The following MACROD2 variants were observed in gnomAD, a reference collection of about 807,000 sequenced individuals.
The protein encoded by MACROD2 is ADP-ribose glycohydrolase MACROD2.
In MACROD2, 36 loss-of-function variants were observed where a neutral mutation model predicts 70.4. The ratio of observed to expected loss-of-function variants is 0.51; its 90% CI spans 0.39 to 0.68. MACROD2 has a LOEUF of 0.68. Among genes scored for constraint, MACROD2 ranks in the 30% least tolerant of loss-of-function variants. MACROD2 has a pLI of 0.00. For synonymous variants in MACROD2, 172 were observed against 178.8 expected, an observed-to-expected ratio of 0.96 and a Z score of 0.30; for missense variants, 496 against 538.4, an observed-to-expected ratio of 0.92 and a Z score of 0.78.
chr20:15,149,817 G>A (rs538284298), intron 5 of MACROD2, among the ~76,000 whole-genome samples: 4 of 151,976 alleles, frequency 2.6e-5, no homozygotes, highest in African/African-American at 4.8e-5. Context: ...CCTGCACTTC[G>A]GCTGTGTGTA....
At chr20:15,172,405 T>A (rs1455355958) in intron 5 of MACROD2, among the ~76,000 whole-genome samples, 1 of 152,196 alleles carries the variant, frequency 6.6e-6, no homozygotes, top group Admixed American at 6.5e-5. Flanking sequence ...TTTCCTTCTC[T>A]TTCCTTTTTT....
At chr20:16,015,919 T>C (rs896375464) in intron 15 of MACROD2, among the ~76,000 whole-genome samples, 18 of 152,172 alleles carry the variant, frequency 1.2e-4, no homozygotes, top group African/African-American at 3.9e-4. Context: ...AGAGTATTTT[T>C]AAATATATTA....
At chr20:16,044,738 AC>A in intron 17 of MACROD2, 99 bp downstream of exon 17, 1 of 1,058,084 alleles carries the variant, frequency 9.5e-7, no homozygotes, top group Non-Finnish European at 1.5e-6. Flanking sequence ...CCAAGTCCCC[AC>A]AGCATGGCTT....
chr20:14,557,879 T>G (rs575341878), intron 4 of MACROD2, among the ~76,000 whole-genome samples: 1 of 151,950 alleles, frequency 6.6e-6, no homozygotes, highest in South Asian at 2.1e-4. Context: ...CATAGGTATA[T>G]ACCCAAGAGA....
intron 8 of MACROD2, among the ~76,000 whole-genome samples, chr20:15,631,650 G>A (rs951823423): frequency 6.6e-6 from 1 of 152,144 alleles, no homozygotes; most frequent in Non-Finnish European, 1.5e-5. Flanking sequence ...GACAGGGCTT[G>A]GGCAGGGGAA....
chr20:14,898,486 T>C (rs532858585), intron 5 of MACROD2, among the ~76,000 whole-genome samples: 2 of 152,126 alleles, frequency 1.3e-5, no homozygotes, highest in African/African-American at 2.4e-5. Flanking sequence ...CCCAGCACTT[T>C]GGGAGGCCGA....
In MACROD2 at chr20:15,698,387, G is replaced by C. The variant is rs182133887; in HGVS notation, c.646-164358G>C. On this transcript the variant is annotated intron_variant, in intron 8 of 17. Coordinates refer to ENST00000684519, the MANE Select transcript of MACROD2 (RefSeq NM_001351661.2). ...GACTGATAATTGTTTTGTTTAAAGA[G>C]GCTGAAGATATGGCCCCAATCCCTT... 1.3e-3 allele frequency among the ~76,000 whole-genome samples: 204 copies of C among 152,248 alleles called. 1 individual carries two copies. The highest frequency in any genetic ancestry group is 7.9e-4 in the Non-Finnish European group (54 of 68,022).
At chr20:14,755,689 G>T (rs1001163176) in intron 5 of MACROD2, among the ~76,000 whole-genome samples, 3 of 151,990 alleles carry the variant, frequency 2.0e-5, no homozygotes, top group Admixed American at 2.0e-4. Flanking sequence ...TGTTGATGGT[G>T]AGAACTGAAG....
chr20:15,469,762 G>A (rs1247304622), intron 7 of MACROD2, among the ~76,000 whole-genome samples: 2 of 152,148 alleles, frequency 1.3e-5, no homozygotes, highest in African/African-American at 4.8e-5. Context: ...TTATGCAAAT[G>A]GCCCCAGACA....
intron 5 of MACROD2, among the ~76,000 whole-genome samples, chr20:15,124,868 G>A (rs2076055628): frequency 6.6e-6 from 1 of 151,824 alleles, no homozygotes; most frequent in Non-Finnish European, 1.5e-5. Context: ...GTGGAGAAAT[G>A]AGTGACTGTT....
chr20:15,391,114 A>G (rs1470731115), intron 6 of MACROD2, among the ~76,000 whole-genome samples: 2 of 152,198 alleles, frequency 1.3e-5, no homozygotes, highest in Non-Finnish European at 2.9e-5. Context: ...GGTAAACGCT[A>G]TGATAACAAG....
At chr20:14,765,367 A>G (rs2072072925) in intron 5 of MACROD2, among the ~76,000 whole-genome samples, 1 of 109,192 alleles carries the variant, frequency 9.2e-6, no homozygotes, top group Non-Finnish European at 1.9e-5. Flanking sequence ...CTCTTCTGCC[A>G]TATTCCTGCC....
At chr20:15,527,682 A>G (rs2047739819) in intron 8 of MACROD2, among the ~76,000 whole-genome samples, 1 of 152,140 alleles carries the variant, frequency 6.6e-6, no homozygotes, top group Non-Finnish European at 1.5e-5. Context: ...TGGCCTCTGC[A>G]TTTCTTCCTT....
chr20:15,549,892 TAA>T (rs1254094172), intron 8 of MACROD2, among the ~76,000 whole-genome samples: 1 of 152,116 alleles, frequency 6.6e-6, no homozygotes, highest in Non-Finnish European at 1.5e-5. Flanking sequence ...CATTAAGCAT[TAA>T]GTTTGCGACA....
At chr20:14,005,645 C>T (rs962847492) in intron 2 of MACROD2, among the ~76,000 whole-genome samples, 42 of 151,900 alleles carry the variant, frequency 2.8e-4, no homozygotes, top group African/African-American at 8.2e-4. Context: ...CTTTGTGCCC[C>T]GGGCTGGAGT....
chr20:16,044,996 C>T (rs2067360329), intron 17 of MACROD2, among the ~76,000 whole-genome samples: 1 of 152,126 alleles, frequency 6.6e-6, no homozygotes, highest in Non-Finnish European at 1.5e-5. Context: ...TAGAAGCTAC[C>T]TGCTGAGTTG....
chr20:15,105,159 C>T (rs1270490618), intron 5 of MACROD2, among the ~76,000 whole-genome samples: 1 of 152,082 alleles, frequency 6.6e-6, no homozygotes, highest in East Asian at 1.9e-4. Context: ...AACTGGAAGG[C>T]CTAGGTGCAG....
At chr20:15,278,089 A>G (rs536881779) in intron 6 of MACROD2, among the ~76,000 whole-genome samples, 7 of 152,354 alleles carry the variant, frequency 4.6e-5, no homozygotes, top group Admixed American at 2.0e-4. Context: ...ATAGCAAGGT[A>G]TATTGAAATA....
At chr20:14,998,629 C>T (rs1250812126) in intron 5 of MACROD2, among the ~76,000 whole-genome samples, 2 of 151,998 alleles carry the variant, frequency 1.3e-5, no homozygotes, top group Non-Finnish European at 2.9e-5. Context: ...CCTATAGGAT[C>T]GAGAAAATAG....
Sources: gnomAD v4.1 joint callset for allele counts (sites outside exome capture counted in the v4.1 genomes callset) on GRCh38, gnomAD v4.1.1 for gene constraint, MANE v1.5 for transcripts, NCBI Gene and HGNC (gene_info 2026-07-23, HGNC 2026-07-21) for gene names.